Variants in TGFBRAP1 observed in about 807,000 individuals in gnomAD.
TGFBRAP1 encodes the protein transforming growth factor beta receptor associated protein 1.
Under a neutral mutation model 83.2 loss-of-function variants are expected in TGFBRAP1, and 20 were observed. The observed-to-expected ratio is 0.24, with a 90% confidence interval of 0.17 to 0.35. The LOEUF (loss-of-function observed/expected upper bound fraction) is 0.35, where lower values mean the gene tolerates loss of function less well. Among genes scored for constraint, TGFBRAP1 ranks in the 10% least tolerant of loss-of-function variants. The probability of loss-of-function intolerance (pLI) is 1.00; values close to 1 mark genes in which losing one functional copy is unlikely to be tolerated. For missense variants in TGFBRAP1, 950 were observed against 1,099.4 expected, an observed-to-expected ratio of 0.86 and a Z score of 1.92; for synonymous variants, 415 against 459.8, an observed-to-expected ratio of 0.90 and a Z score of 1.25.
intron 1 of TGFBRAP1, among the ~76,000 whole-genome samples, chr2:105,327,692 T>C (rs1275876605): frequency 6.6e-6 from 1 of 152,150 alleles, no homozygotes; most frequent in Non-Finnish European, 1.5e-5. Flanking sequence ...GAATGGGCCC[T>C]TTACAAATCC....
chr2:105,288,781 TAA>T (rs1677802818), intron 4 of TGFBRAP1, among the ~76,000 whole-genome samples: 1 of 152,202 alleles, frequency 6.6e-6, no homozygotes, highest in African/African-American at 2.4e-5. Context: ...TTCTCCTTGT[TAA>T]AAAGGCAATG....
In TGFBRAP1 at chr2:105,307,807, C is replaced by T. The variant is rs61738975; in HGVS notation, c.495G>A (p.Ser165=). 1.5e-3 allele frequency: 2,416 copies of T among 1,614,124 alleles called. 35 individuals carry two copies. In the African/African-American group the frequency reaches 0.03, roughly 20 times the overall value. Residue 165 remains serine (S), a synonymous_variant, in exon 2 of 12, where the codon TCG becomes TCA. Transcript: ENST00000393359. ...EDRVQIVKEV[S]TAEQPLAVAV... ...CCACAGCGAGGGGCTGCTCGGCAGTCGACACCTCCTTGACGATCTGCACCC... is the reference window on the plus strand; with the variant it reads ...CCACAGCGAGGGGCTGCTCGGCAGTTGACACCTCCTTGACGATCTGCACCC...
At chr2:105,301,671 T>G (rs1373133402) in intron 2 of TGFBRAP1, among the ~76,000 whole-genome samples, 1 of 152,226 alleles carries the variant, frequency 6.6e-6, no homozygotes, top group African/African-American at 2.4e-5. Flanking sequence ...ATCTTCCTAA[T>G]TATGACTCAA....
chr2:105,282,437 C>T (rs115930374), intron 5 of TGFBRAP1, among the ~76,000 whole-genome samples: 2,965 of 152,198 alleles, frequency 0.019, 105 homozygotes, highest in African/African-American at 0.068. Context: ...TCCAGTTCAA[C>T]GAGGAAAAGA....
chr2:105,277,962 G>A (rs2104329322), intron 6 of TGFBRAP1, among the ~76,000 whole-genome samples: 1 of 152,300 alleles, frequency 6.6e-6, no homozygotes, highest in African/African-American at 2.4e-5. Context: ...GGGGTGCTGA[G>A]GTAGAAGGAT....
In TGFBRAP1 at chr2:105,284,362, T is replaced by C. The variant is rs868203442; in HGVS notation, c.1075A>G (p.Ile359Val). 3 of 1,614,092 alleles carry C rather than the reference T, an allele frequency of 1.9e-6. No individual in the cohort carries two copies. The highest frequency in any genetic ancestry group is 2.2e-5 in the East Asian group (1 of 44,874). The change falls in exon 5 of 12, where the codon ATA becomes GTA. Residue 359 changes from isoleucine to valine, a missense_variant. By Grantham distance (29) the Ile-to-Val change is conservative. Coordinates refer to ENST00000393359, the MANE Select transcript of TGFBRAP1 (RefSeq NM_004257.6). ...AGGAACTGAAGTTGTGCAAACTGTA[T>C]AAATCCCGCCTGCTGCAGAATCCTT... ...YRRILQQAGF[I>V]QFAQLQFLEA... is the part of the protein sequence containing the mutation.
chr2:105,298,016 C>G (rs6720717), intron 3 of TGFBRAP1, among the ~76,000 whole-genome samples: 1,932 of 152,278 alleles, frequency 0.013, 52 homozygotes, highest in African/African-American at 0.045. Flanking sequence ...CTCCGCCACC[C>G]TGACTACCCT....
intron 6 of TGFBRAP1, 52 bp from the exon 7 acceptor site, chr2:105,277,723 G>T: frequency 6.4e-7 from 1 of 1,565,376 alleles, no homozygotes; most frequent in Middle Eastern, 1.7e-4. Flanking sequence ...GCTCCTGGAG[G>T]CGACCTTCAC....
chr2:105,264,492 T>TA lies in TGFBRAP1; in HGVS notation c.*2890dup, dbSNP rs1433668001. On this transcript the variant is annotated 3_prime_UTR_variant, in exon 12 of 12. Coordinates refer to ENST00000393359, the MANE Select transcript of TGFBRAP1 (RefSeq NM_004257.6). The stretch of plus-strand genomic sequence containing the variant: ...AGAATTTTAATAAAATGAGCAAGTT[T>TA]ACATTTGTACATTTTGTGTATCTGG... The TA allele has an allele frequency of 1.3e-5, 2 of 152,248 alleles. No homozygotes were observed. The highest frequency in any genetic ancestry group is 1.3e-4 in the Admixed American group (2 of 15,290). 9.4% of individuals were successfully genotyped at this position (152,248 alleles called of 1,614,324 possible).
chr2:105,274,491 T>G (rs1234676916), intron 8 of TGFBRAP1, among the ~76,000 whole-genome samples: 2 of 152,254 alleles, frequency 1.3e-5, no homozygotes, highest in Non-Finnish European at 2.9e-5. Context: ...TTTCCTCATC[T>G]GTAGCTAATG....
In TGFBRAP1 at chr2:105,313,898, AG is replaced by A. The variant is rs1386996470; in HGVS notation, c.-17-5581del. Among the ~76,000 whole-genome samples, 27 of 152,144 alleles carry A rather than the reference AG, an allele frequency of 1.8e-4. 1 individual carries two copies. Among genetic ancestry groups the A allele is most frequent in the Non-Finnish European group, 5.9e-5 (4 of 68,026 alleles). ...TTTTAAAATCTTTCCTTTTGAAACAAGGAACAAGACAAGAATCTGCCATCTG... is the reference window on the plus strand; with the variant it reads ...TTTTAAAATCTTTCCTTTTGAAACAAGAACAAGACAAGAATCTGCCATCTG... On this transcript the variant is annotated intron_variant, in intron 1 of 11. Coordinates refer to ENST00000393359, the MANE Select transcript of TGFBRAP1 (RefSeq NM_004257.6).
intron 11 of TGFBRAP1, among the ~76,000 whole-genome samples, chr2:105,268,126 T>C (rs1677006928): frequency 6.6e-6 from 1 of 152,196 alleles, no homozygotes; most frequent in African/African-American, 2.4e-5. Flanking sequence ...CTGAAAGTTA[T>C]AAAGTTTTTC....
In TGFBRAP1 at chr2:105,265,088, G is replaced by A. The variant is rs1199092315; in HGVS notation, c.*2295C>T. The A allele has an allele frequency of 2.0e-5, 3 of 152,242 alleles. No individual in the cohort carries two copies. Among genetic ancestry groups the A allele is most frequent in the Non-Finnish European group, 4.4e-5 (3 of 68,046 alleles). 9.4% of individuals were successfully genotyped at this position (152,242 alleles called of 1,614,324 possible). ...TGCTTGTGGTGAAGGATTTGGTAGAGATGGAAAACTGCTCAACTTTAATTC... is the reference window on the plus strand; with the variant it reads ...TGCTTGTGGTGAAGGATTTGGTAGAAATGGAAAACTGCTCAACTTTAATTC... On this transcript the variant is annotated 3_prime_UTR_variant, in exon 12 of 12. Transcript: ENST00000393359.
At chr2:105,304,715 G>A (rs886185630) in intron 2 of TGFBRAP1, among the ~76,000 whole-genome samples, 6 of 152,182 alleles carry the variant, frequency 3.9e-5, no homozygotes, top group South Asian at 2.1e-4. Flanking sequence ...CCCAGGAGGC[G>A]GAGGTTGCAG....
chr2:105,257,759 CA>C, the TGFBRAP1 span, among the ~76,000 whole-genome samples: 2 of 152,166 alleles, frequency 1.3e-5, no homozygotes, highest in Admixed American at 1.3e-4. Context: ...TATATCAGAC[CA>C]TCTAAAAGTC....
rs1866040 is a variant in TGFBRAP1 at position 105,266,304 on chromosome 2, G to A, written c.*1079C>T. On this transcript the variant is annotated 3_prime_UTR_variant, in exon 12 of 12. Transcript: ENST00000393359. ...CAGCACACGGGCCCTTCCACCCGCTGTCGGTCCTGCTAAAGGTACGAGGCT... is the reference window on the plus strand; with the variant it reads ...CAGCACACGGGCCCTTCCACCCGCTATCGGTCCTGCTAAAGGTACGAGGCT... The A allele has an allele frequency of 0.36, 54,079 of 152,076 alleles. 10,599 individuals are homozygous for A. Among genetic ancestry groups the A allele is most frequent in the East Asian group, 0.68 (3,512 of 5,136 alleles). The allele number at this position is 152,076 out of a possible 1,614,324, so 9.4% of individuals were successfully genotyped here. A position where few individuals can be genotyped will look rare whatever the true frequency, so the allele number is the denominator to read the frequency against.
chr2:105,282,381 TG>T (rs1677569318), intron 5 of TGFBRAP1, among the ~76,000 whole-genome samples: 1 of 152,244 alleles, frequency 6.6e-6, no homozygotes, highest in South Asian at 2.1e-4. Flanking sequence ...CATAACTAGC[TG>T]GTAACTGTGG....
rs1425634868 is a variant in TGFBRAP1, at chr2:105,329,658, C to G, written c.-51G>C. ...GCGCCCGCCGTCCCGCGCCGCCCCG[C>G]GGCCTGGGGCCCCGCCGCCCCGCTC... is the stretch of plus-strand genomic sequence containing the variant. On this transcript the variant is annotated 5_prime_UTR_variant, in exon 1 of 12. Coordinates refer to ENST00000393359, the MANE Select transcript of TGFBRAP1 (RefSeq NM_004257.6). 1.4e-5 allele frequency: 2 copies of G among 147,154 alleles called. No individual in the cohort carries two copies. Among genetic ancestry groups the G allele is most frequent in the Non-Finnish European group, 3.0e-5 (2 of 65,834 alleles). 9.1% of individuals were successfully genotyped at this position (147,154 alleles called of 1,614,324 possible).
the TGFBRAP1 span, among the ~76,000 whole-genome samples, chr2:105,250,810 C>G: frequency 6.6e-6 from 1 of 152,052 alleles, no homozygotes; most frequent in East Asian, 1.9e-4. Flanking sequence ...CGCGCCGCCA[C>G]GCCTGACTGG....
Sources: gnomAD v4.1 joint callset for allele counts (sites outside exome capture counted in the v4.1 genomes callset) on GRCh38, gnomAD v4.1.1 for gene constraint, MANE v1.5 for transcripts, NCBI Gene and HGNC (gene_info 2026-07-23, HGNC 2026-07-21) for gene names.